Variants in BMPR1A observed in about 807,000 individuals in gnomAD.
The protein encoded by BMPR1A is bone morphogenetic protein receptor type 1A, also known as bone morphogenetic protein receptor type-1A.
In BMPR1A, 7 loss-of-function variants were observed where a neutral mutation model predicts 66.0. The observed-to-expected ratio is 0.11, with a 90% CI of 0.06 to 0.20. BMPR1A has a LOEUF of 0.20. Among genes scored for constraint, BMPR1A ranks in the 10% least tolerant of loss-of-function variants. The pLI, the probability that BMPR1A is intolerant of heterozygous loss-of-function variation, is 1.00. For missense variants in BMPR1A, 408 were observed against 669.1 expected, an observed-to-expected ratio of 0.61 and a Z score of 4.31; for synonymous variants, 200 against 229.7, an observed-to-expected ratio of 0.87 and a Z score of 1.17.
At chr10:86,899,290 C>T (rs10887666) in intron 5 of BMPR1A, among the ~76,000 whole-genome samples, 22,319 of 152,228 alleles carry the variant, frequency 0.15, 2,631 homozygotes, top group East Asian at 0.67. Context: ...GTAATCAGCT[C>T]TCAAGAATGC....
intron 2 of BMPR1A, among the ~76,000 whole-genome samples, chr10:86,851,921 G>A (rs956178249): frequency 1.2e-4 from 18 of 152,242 alleles, no homozygotes; most frequent in Admixed American, 8.5e-4. Flanking sequence ...GAATGGCAAG[G>A]TCATTTGGTT....
intron 2 of BMPR1A, among the ~76,000 whole-genome samples, chr10:86,857,666 G>C (rs895847304): frequency 6.6e-6 from 1 of 150,644 alleles, no homozygotes; most frequent in African/African-American, 2.4e-5. Flanking sequence ...TTGGCAGGAG[G>C]CCTCAGTTCT....
chr10:86,782,750 T>G (rs1455944947), intron 1 of BMPR1A, among the ~76,000 whole-genome samples: 11 of 152,132 alleles, frequency 7.2e-5, no homozygotes, highest in Admixed American at 7.2e-4. Context: ...ATTCTGGATA[T>G]TAAACCCCTA....
In BMPR1A at chr10:86,923,881, G is replaced by A. The variant is rs1843706046; in HGVS notation, c.*162G>A. ...ATTAAACCTTTCAGTACTCTTATTA[G>A]GATACAAGCTGGGAACTTCTAAACA... On this transcript the variant is annotated 3_prime_UTR_variant, in exon 13 of 13. Coordinates refer to ENST00000372037, the MANE Select transcript of BMPR1A (RefSeq NM_004329.3). 1 of 798,728 alleles carries A rather than the reference G, an allele frequency of 1.3e-6. No homozygotes were observed. Among genetic ancestry groups the A allele is most frequent in the Non-Finnish European group, 2.0e-6 (1 of 496,964 alleles). 49.5% of individuals were successfully genotyped at this position (798,728 alleles called of 1,614,324 possible).
At chr10:86,773,610 A>C (rs1250080180) in intron 1 of BMPR1A, among the ~76,000 whole-genome samples, 19 of 151,320 alleles carry the variant, frequency 1.3e-4, no homozygotes, top group Non-Finnish European at 2.5e-4. Context: ...AAAAAAAAAA[A>C]AAAAAAACAC....
chr10:86,824,419 C>T (rs1282182154), intron 1 of BMPR1A, among the ~76,000 whole-genome samples: 1 of 152,078 alleles, frequency 6.6e-6, no homozygotes, highest in East Asian at 1.9e-4. Context: ...CAGTGCTGTA[C>T]GGTAATTAAC....
intron 1 of BMPR1A, among the ~76,000 whole-genome samples, chr10:86,798,718 T>C (rs1841761895): frequency 6.6e-6 from 1 of 152,256 alleles, no homozygotes; most frequent in Non-Finnish European, 1.5e-5. Flanking sequence ...TTTTGCCCAG[T>C]ATGTCTTTTT....
chr10:86,805,807 T>C (rs1340458036), intron 1 of BMPR1A, among the ~76,000 whole-genome samples: 1 of 152,160 alleles, frequency 6.6e-6, no homozygotes, highest in Non-Finnish European at 1.5e-5. Flanking sequence ...GTAATCATTC[T>C]TCAGTTATCA....
chr10:86,792,275 C>T (rs1313144265), intron 1 of BMPR1A, among the ~76,000 whole-genome samples: 1 of 151,938 alleles, frequency 6.6e-6, no homozygotes, highest in Non-Finnish European at 1.5e-5. Flanking sequence ...CCATGTTAGC[C>T]AGGATGGTCT....
chr10:86,919,503 A>G (rs757555176), intron 10 of BMPR1A, 34 bp downstream of exon 10: 1 of 1,608,666 alleles, frequency 6.2e-7, no homozygotes, highest in South Asian at 1.1e-5. Context: ...TTTTGAAATT[A>G]TTTTAATTTC....
intron 1 of BMPR1A, among the ~76,000 whole-genome samples, chr10:86,795,275 A>C (rs1841691358): frequency 6.6e-6 from 1 of 152,052 alleles, no homozygotes. Flanking sequence ...GATTTTTCTT[A>C]AATCCTGAGC....
At chr10:86,913,235 C>T (rs983455102) in intron 8 of BMPR1A, among the ~76,000 whole-genome samples, 8 of 151,862 alleles carry the variant, frequency 5.3e-5, no homozygotes, top group Non-Finnish European at 1.2e-4. Flanking sequence ...AAGCAATTCC[C>T]GTCTCAGCCT....
At chr10:86,784,840 T>C (rs910090080) in intron 1 of BMPR1A, among the ~76,000 whole-genome samples, 1 of 152,182 alleles carries the variant, frequency 6.6e-6, no homozygotes, top group African/African-American at 2.4e-5. Flanking sequence ...CTGTGGCATT[T>C]GTTGTAATGT....
At chr10:86,860,738 A>G (rs1264780502) in intron 2 of BMPR1A, among the ~76,000 whole-genome samples, 1 of 150,110 alleles carries the variant, frequency 6.7e-6, no homozygotes, top group Non-Finnish European at 1.5e-5. Context: ...CCATTGCACT[A>G]CAGCCTGGGC....
chr10:86,861,763 GATATCCATGA>G (rs1165793857), intron 2 of BMPR1A, among the ~76,000 whole-genome samples: 10 of 152,208 alleles, frequency 6.6e-5, no homozygotes, highest in Admixed American at 6.5e-4. Context: ...CAAACTTGAG[GATATCCATGA>G]AAACAGCGGA....
intron 1 of BMPR1A, among the ~76,000 whole-genome samples, chr10:86,821,451 C>T (rs574376218): frequency 5.9e-5 from 9 of 152,208 alleles, no homozygotes; most frequent in East Asian, 1.9e-4. Context: ...TAAGACCATA[C>T]GTGTCACTAA....
chr10:86,796,390 G>A (rs889689230), intron 1 of BMPR1A, among the ~76,000 whole-genome samples: 3 of 151,506 alleles, frequency 2.0e-5, no homozygotes, highest in African/African-American at 7.3e-5. Flanking sequence ...TCACTTTTAG[G>A]TCATTTTAAG....
At chr10:86,871,746 G>T (rs1045743822) in intron 2 of BMPR1A, among the ~76,000 whole-genome samples, 3 of 151,572 alleles carry the variant, frequency 2.0e-5, no homozygotes, top group African/African-American at 7.3e-5. Context: ...AGGAGGCAGT[G>T]AGCTGAGGTT....
chr10:86,901,836 A>G (rs1465609252), intron 7 of BMPR1A, among the ~76,000 whole-genome samples: 1 of 152,048 alleles, frequency 6.6e-6, no homozygotes, highest in Non-Finnish European at 1.5e-5. Flanking sequence ...TCTTTATTAC[A>G]CAAGGGCACT....
Sources: allele counts gnomAD v4.1 joint callset (sites outside exome capture counted in the v4.1 genomes callset), GRCh38; gene constraint gnomAD v4.1.1; transcripts MANE v1.5; gene names NCBI Gene and HGNC (gene_info 2026-07-23, HGNC 2026-07-21).